DNAJC25: variants seen among roughly 807,000 people sequenced by gnomAD.
The protein encoded by DNAJC25 is DnaJ heat shock protein family (Hsp40) member C25.
Under a neutral mutation model 42.1 loss-of-function variants are expected in DNAJC25, and 26 were observed. That is an observed-to-expected ratio of 0.62 (90% CI 0.45 to 0.86). DNAJC25 has a LOEUF of 0.86. Among genes scored for constraint, DNAJC25 ranks in the 40% least tolerant of loss-of-function variants. The probability of loss-of-function intolerance (pLI) is 0.00; values close to 1 mark genes in which losing one functional copy is unlikely to be tolerated. For synonymous variants in DNAJC25, 189 were observed against 179.9 expected (o/e 1.05, Z -0.40); for missense variants, 404 against 459.4 (o/e 0.88, Z 1.10).
At chr9:111,644,896 C>T (rs79180193) in intron 1 of DNAJC25, among the ~76,000 whole-genome samples, 3 of 152,168 alleles carry the variant, frequency 2.0e-5, no homozygotes, top group Non-Finnish European at 4.4e-5. Flanking sequence ...TAGTCTTCAG[C>T]GCTGTCTGTG....
At chr9:111,635,408 C>A (rs1249219314) in intron 1 of DNAJC25, among the ~76,000 whole-genome samples, 1 of 152,144 alleles carries the variant, frequency 6.6e-6, no homozygotes, top group Non-Finnish European at 1.5e-5. Flanking sequence ...CCATTTCACT[C>A]AAATTAATTG....
rs760205279 is a variant in DNAJC25, at chr9:111,631,545, C to T, written c.138C>T (p.Gly46=). ...AGALVEGLYC[G]TRDCYEVLGV... ...CCCTGGTGGAGGGGCTCTACTGCGG[C>T]ACGCGGGACTGCTACGAGGTGCTGG... The change falls in exon 1 of 4, where the codon GGC becomes GGT. Residue 46 remains glycine (G), a synonymous_variant. Coordinates refer to ENST00000313525, the MANE Select transcript of DNAJC25 (RefSeq NM_001015882.3). 5.8e-5 allele frequency: 80 copies of T among 1,380,896 alleles called. No homozygotes were observed. The highest frequency in any genetic ancestry group is 7.2e-5 in the Non-Finnish European group (77 of 1,075,944). 85.5% of individuals were successfully genotyped at this position (1,380,896 alleles called of 1,614,324 possible). A position where few individuals can be genotyped will look rare whatever the true frequency, so the allele number is the denominator to read the frequency against.
In DNAJC25 at chr9:111,631,526, T is replaced by G; in HGVS notation, c.119T>G (p.Val40Gly). 7.4e-7 allele frequency: 1 copy of G among 1,344,758 alleles called. No homozygotes were observed. The highest frequency in any genetic ancestry group is 9.5e-7 in the Non-Finnish European group (1 of 1,054,414). 83.3% of individuals were successfully genotyped at this position (1,344,758 alleles called of 1,614,324 possible). ...LLLVRPAGAL[V>G]EGLYCGTRDC... is the part of the protein sequence containing the mutation. ...CTGGTGCGGCCCGCGGGGGCCCTGGTGGAGGGGCTCTACTGCGGCACGCGG... is the reference window on the plus strand; with the variant it reads ...CTGGTGCGGCCCGCGGGGGCCCTGGGGGAGGGGCTCTACTGCGGCACGCGG... The change falls in exon 1 of 4, where the codon GTG (valine) becomes GGG (glycine). Residue 40 changes from valine to glycine, a missense_variant. By Grantham distance (109) the Val-to-Gly change is moderately radical. Transcript: ENST00000313525.
At position 111,649,632 on chromosome 9, in the gene DNAJC25, G is replaced by C. The variant is rs1830618936; in HGVS notation, c.669G>C (p.Lys223Asn). The C allele has an allele frequency of 1.2e-6, 2 of 1,613,706 alleles. No individual in the cohort carries two copies. Among genetic ancestry groups the C allele is most frequent in the South Asian group, 2.2e-5 (2 of 91,046 alleles). Residue 223 changes from lysine (K) to asparagine (N), a missense_variant, in exon 3 of 4, where the codon AAG (lysine) becomes AAC (asparagine). Physicochemically the swap from Lys to Asn is moderately conservative, Grantham distance 94. Transcript: ENST00000313525. ...GTGACGAGGAGGAGAACATCATAAA[G>C]AACATTATAAAAAGTAAAATAGATA... ...EIRDEEENIIKNIIKSKIDIK... is the reference protein window; with the variant it reads ...EIRDEEENIINNIIKSKIDIK...
Position 111,653,106 on chromosome 9 carries a change from A to G in DNAJC25, c.967A>G (p.Lys323Glu). ...LWIKENYEVYKQEQEEELKKK... is the reference protein window; with the variant it reads ...LWIKENYEVYEQEQEEELKKK... ...TAGTTATTTATACTTACAGGTCTAC[A>G]AGCAAGAACAAGAGGAAGAATTAAA... Residue 323 changes from lysine (K) to glutamate (E), a missense_variant, in exon 4 of 4, where the codon AAG (lysine) becomes GAG (glutamate). Transcript: ENST00000313525. The G allele has an allele frequency of 6.2e-7, 1 of 1,601,292 alleles. No individual in the cohort carries two copies. Among genetic ancestry groups the G allele is most frequent in the Non-Finnish European group, 8.5e-7 (1 of 1,172,830 alleles).
chr9:111,634,246 T>C (rs1008664956), intron 1 of DNAJC25, among the ~76,000 whole-genome samples: 2 of 152,228 alleles, frequency 1.3e-5, no homozygotes, highest in Non-Finnish European at 2.9e-5. Flanking sequence ...AGATGCTCTC[T>C]CTTGGAATAA....
intron 1 of DNAJC25, among the ~76,000 whole-genome samples, chr9:111,641,684 G>A (rs1323872357): frequency 2.8e-5 from 3 of 107,360 alleles, no homozygotes; most frequent in African/African-American, 8.1e-5. Flanking sequence ...TGGGGGGGGG[G>A]TCAGCCCCCC....
intron 1 of DNAJC25, among the ~76,000 whole-genome samples, chr9:111,645,461 G>C (rs1306059725): frequency 6.6e-6 from 1 of 152,074 alleles, no homozygotes; most frequent in Non-Finnish European, 1.5e-5. Flanking sequence ...TGCCATGTTG[G>C]CCAGGCTGGT....
chr9:111,645,178 C>G (rs549517972), intron 1 of DNAJC25, among the ~76,000 whole-genome samples: 29 of 152,156 alleles, frequency 1.9e-4, no homozygotes, highest in Admixed American at 1.2e-3. Flanking sequence ...GTTTCATATA[C>G]TGGTGAGAGG....
chr9:111,640,875 G>C (rs1236971758), intron 1 of DNAJC25, among the ~76,000 whole-genome samples: 1 of 117,650 alleles, frequency 8.5e-6, no homozygotes, highest in Non-Finnish European at 1.7e-5. Flanking sequence ...GCCCCATCCG[G>C]GAGGGAGGTG....
chr9:111,634,352 A>G (rs1320255716), intron 1 of DNAJC25, among the ~76,000 whole-genome samples: 1 of 152,202 alleles, frequency 6.6e-6, no homozygotes, highest in African/African-American at 2.4e-5. Context: ...GAAGTTGCCA[A>G]AGAATATGTT....
At chr9:111,644,926 C>T (rs1157683613) in intron 1 of DNAJC25, among the ~76,000 whole-genome samples, 1 of 152,182 alleles carries the variant, frequency 6.6e-6, no homozygotes, top group African/African-American at 2.4e-5. Context: ...TATAGGTTTA[C>T]CCTTTCTAGG....
At chr9:111,652,739 G>T (rs910151237) in intron 3 of DNAJC25, among the ~76,000 whole-genome samples, 6 of 151,358 alleles carry the variant, frequency 4.0e-5, no homozygotes, top group East Asian at 2.0e-4. Flanking sequence ...AGAGACGGGG[G>T]TTTCACCATG....
At chr9:111,641,585 C>T (rs1382971912) in intron 1 of DNAJC25, among the ~76,000 whole-genome samples, 4 of 107,750 alleles carry the variant, frequency 3.7e-5, no homozygotes, top group East Asian at 6.1e-4. Flanking sequence ...GTGGGGGGGT[C>T]GGCCCCCCGC....
intron 1 of DNAJC25, among the ~76,000 whole-genome samples, chr9:111,636,394 A>G (rs1033829889): frequency 6.6e-6 from 1 of 152,216 alleles, no homozygotes; most frequent in Admixed American, 6.5e-5. Flanking sequence ...AATGAACTGC[A>G]TGTATTACTA....
rs377499194 is a variant in DNAJC25, at chr9:111,647,130, T to C, written c.360T>C (p.Tyr120=). ...AGGATGAAGAAACACGAAAAGATTA[T>C]GATTACATGCTGGATCATCCAGAAG... ...TLKDEETRKD[Y]DYMLDHPEEY... Residue 120 remains tyrosine (Y), a synonymous_variant, in exon 2 of 4, where the codon TAT becomes TAC. Coordinates refer to ENST00000313525, the MANE Select transcript of DNAJC25 (RefSeq NM_001015882.3). 1.9e-5 allele frequency: 30 copies of C among 1,613,802 alleles called. No homozygotes were observed. Among genetic ancestry groups the C allele is most frequent in the Non-Finnish European group, 2.3e-5 (27 of 1,179,936 alleles).
rs574170722 is a variant in DNAJC25 at position 111,638,630 on chromosome 9, CTAAT to C, written c.336+6891_336+6894del. On this transcript the variant is annotated intron_variant, in intron 1 of 3. Transcript: ENST00000313525. ...GAGTAACATTGTCTACGTAGTAACT[CTAAT>C]TAAAAACTTTGGTATCATGTTCAAC... Among the ~76,000 whole-genome samples the C allele has an allele frequency of 3.4e-3, 510 of 152,048 alleles. 1 individual carries two copies. Among genetic ancestry groups the C allele is most frequent in the South Asian group, 9.8e-3 (47 of 4,804 alleles).
chr9:111,641,708 A>G (rs1468404809), intron 1 of DNAJC25, among the ~76,000 whole-genome samples: 155 of 74,512 alleles, frequency 2.1e-3, no homozygotes, highest in East Asian at 4.3e-3. Context: ...CCGGCCAGCC[A>G]CCCCGTCCGG....
At chr9:111,643,232 A>C (rs1008357139) in intron 1 of DNAJC25, 1 of 248,216 alleles carries the variant, frequency 4.0e-6, no homozygotes, top group Non-Finnish European at 8.2e-6. Context: ...TGCTGGTGAG[A>C]TGGAGACCTA....
Sources: allele counts gnomAD v4.1 joint callset (sites outside exome capture counted in the v4.1 genomes callset), GRCh38; gene constraint gnomAD v4.1.1; transcripts MANE v1.5; gene names NCBI Gene and HGNC (gene_info 2026-07-23, HGNC 2026-07-21).